DPYSL5: variants seen among roughly 807,000 people sequenced by gnomAD.
The protein encoded by DPYSL5 is dihydropyrimidinase like 5.
In DPYSL5, 9 loss-of-function variants were observed where a neutral mutation model predicts 58.4. The ratio of observed to expected loss-of-function variants is 0.15; its 90% CI spans 0.09 to 0.27. The LOEUF is 0.27. DPYSL5 is among the 10% of genes least tolerant of loss of function. DPYSL5 has a pLI of 1.00. For synonymous variants in DPYSL5, 293 were observed against 301.9 expected, an observed-to-expected ratio of 0.97 and a Z score of 0.31; for missense variants, 499 against 770.6, an observed-to-expected ratio of 0.65 and a Z score of 4.17.
intron 2 of DPYSL5, among the ~76,000 whole-genome samples, chr2:26,904,225 C>T (rs1244556840): frequency 1.3e-5 from 2 of 152,156 alleles, no homozygotes; most frequent in African/African-American, 2.4e-5. Context: ...AGGTATGTGC[C>T]GCTAGGACAT....
Position 26,866,018 on chromosome 2 carries a change from A to T in DPYSL5, c.-5+17764A>T, listed in dbSNP as rs542849117. On this transcript the variant is annotated intron_variant, in intron 1 of 12. Coordinates refer to ENST00000288699, the MANE Select transcript of DPYSL5 (RefSeq NM_020134.4). Reference sequence around the variant, plus strand: ...TGGGTGTTTGTCTGCATGGTGAGTGAAGTGACATATGAGTTGGCCAGATGA... The same window carrying T: ...TGGGTGTTTGTCTGCATGGTGAGTGTAGTGACATATGAGTTGGCCAGATGA... Among the ~76,000 whole-genome samples, 40 of 152,320 alleles carry T rather than the reference A, an allele frequency of 2.6e-4. 1 individual carries two copies. In the South Asian group the frequency reaches 3.9e-3, roughly 15 times the overall value.
chr2:26,858,731 A>G (rs1284497677), intron 1 of DPYSL5, among the ~76,000 whole-genome samples: 1 of 130,176 alleles, frequency 7.7e-6, no homozygotes, highest in Non-Finnish European at 1.6e-5. Context: ...CACCACACCC[A>G]GCTATTTTTT....
intron 1 of DPYSL5, among the ~76,000 whole-genome samples, chr2:26,872,994 C>T (rs1279840287): frequency 4.6e-5 from 7 of 152,136 alleles, no homozygotes; most frequent in Non-Finnish European, 1.0e-4. Context: ...TTTAATGTTT[C>T]CTGGTGGGTG....
In DPYSL5 at chr2:26,944,643, C is replaced by T. The variant is rs754886159; in HGVS notation, c.1441-13C>T. ...TTGTCCTGTTCTTCTGCTCTTCTTC[C>T]ATCCTTCCCTAGACTTTAAAGGTTA... On this transcript the variant is annotated splice_polypyrimidine_tract_variant and intron_variant, in intron 11 of 12. Coordinates refer to ENST00000288699, the MANE Select transcript of DPYSL5 (RefSeq NM_020134.4). The surrounding 1 kb of genome is among the most constrained non-coding windows in gnomAD (Gnocchi z 4.4). 1.2e-6 allele frequency: 2 copies of T among 1,612,048 alleles called. No homozygotes were observed. The highest frequency in any genetic ancestry group is 1.7e-6 in the Non-Finnish European group (2 of 1,178,800).
rs142636920 is a variant in DPYSL5 at position 26,877,622 on chromosome 2, C to A, written c.-4-20874C>A. On this transcript the variant is annotated intron_variant, in intron 1 of 12. Transcript: ENST00000288699. This position sits in a 1 kb window ranked among gnomAD's most constrained non-coding sequence, Gnocchi z 4.1. ...TTTCCCCCTAAATAAGACACTGTCA[C>A]ACAATATCTTTTAACTCATCTGTAT... Among the ~76,000 whole-genome samples the A allele has an allele frequency of 8.8e-3, 1,334 of 152,292 alleles. 21 individuals are homozygous for A. The highest frequency in any genetic ancestry group is 0.03 in the African/African-American group (1,245 of 41,572).
rs968193482 is a variant in DPYSL5, at chr2:26,933,153, G to A, written c.715-105G>A. ...CACCTTGAGGGTGGGGTTGAGTGAC[G>A]CAGGGGGAGGCGCTGGTGCCAGGGC... is the stretch of plus-strand genomic sequence containing the variant. On this transcript the variant is annotated intron_variant, in intron 6 of 12. Coordinates refer to ENST00000288699, the MANE Select transcript of DPYSL5 (RefSeq NM_020134.4). The surrounding 1 kb of genome is among the most constrained non-coding windows in gnomAD (Gnocchi z 4.2). 4.5e-5 allele frequency: 44 copies of A among 975,256 alleles called. No individual in the cohort carries two copies. In the South Asian group the frequency reaches 5.0e-4, roughly 11 times the overall value. 60.4% of individuals were successfully genotyped at this position (975,256 alleles called of 1,614,324 possible).
rs977135907 is a variant in DPYSL5 at position 26,849,202 on chromosome 2, G to A, written c.-5+948G>A. On this transcript the variant is annotated intron_variant, in intron 1 of 12. Coordinates refer to ENST00000288699, the MANE Select transcript of DPYSL5 (RefSeq NM_020134.4). The surrounding 1 kb of genome is among the most constrained non-coding windows in gnomAD (Gnocchi z 6.2). ...GCTCGGTGCAGGTGGCGCCCGGCGA[G>A]GCTGGTTCTGCTGAAGAATGGGGAG... is the stretch of plus-strand genomic sequence containing the variant. Among the ~76,000 whole-genome samples the A allele has an allele frequency of 6.6e-6, 1 of 151,954 alleles. No individual in the cohort carries two copies. The highest frequency in any genetic ancestry group is 1.5e-5 in the Non-Finnish European group (1 of 67,940).
intron 1 of DPYSL5, among the ~76,000 whole-genome samples, chr2:26,857,776 G>A (rs896899260): frequency 1.3e-5 from 2 of 152,196 alleles, no homozygotes; most frequent in African/African-American, 4.8e-5. Flanking sequence ...TAAAATAGAT[G>A]TGATTTTTAC....
At chr2:26,882,112 A>G (rs1345914852) in intron 1 of DPYSL5, among the ~76,000 whole-genome samples, 2 of 129,064 alleles carry the variant, frequency 1.5e-5, no homozygotes, top group Non-Finnish European at 3.5e-5. Flanking sequence ...AAAAAAAAAA[A>G]GAAAGAAAGG....
Position 26,925,687 on chromosome 2 carries a change from C to T in DPYSL5, c.420+642C>T, listed in dbSNP as rs2148158923. Among the ~76,000 whole-genome samples the T allele has an allele frequency of 6.6e-6, 1 of 152,276 alleles. No homozygotes were observed. The highest frequency in any genetic ancestry group is 2.1e-4 in the South Asian group (1 of 4,818). ...TTCCTGTCCTCCCCCTGCCCAGGCC[C>T]CAGGGTCAGAGTCCAGACTCCTCTC... On this transcript the variant is annotated intron_variant, in intron 3 of 12. Transcript: ENST00000288699. This position sits in a 1 kb window ranked among gnomAD's most constrained non-coding sequence, Gnocchi z 4.5.
At position 26,944,010 on chromosome 2, in the gene DPYSL5, G is replaced by A. The variant is rs375202377; in HGVS notation, c.1441-646G>A. Among the ~76,000 whole-genome samples, 1 of 152,170 alleles carries A rather than the reference G, an allele frequency of 6.6e-6. No individual in the cohort carries two copies. Among genetic ancestry groups the A allele is most frequent in the Non-Finnish European group, 1.5e-5 (1 of 68,032 alleles). On this transcript the variant is annotated intron_variant, in intron 11 of 12. Transcript: ENST00000288699. This position sits in a 1 kb window ranked among gnomAD's most constrained non-coding sequence, Gnocchi z 4.4. The stretch of plus-strand genomic sequence containing the variant: ...AGGGCGCTCTCTAAAATTGACTTCC[G>A]GTTGGGCATGGTGGCTCACGCCTGT...
At chr2:26,858,515 T>A (rs1004638287) in intron 1 of DPYSL5, among the ~76,000 whole-genome samples, 60 of 152,192 alleles carry the variant, frequency 3.9e-4, no homozygotes, top group African/African-American at 1.3e-3. Flanking sequence ...GCTTAAACTC[T>A]GAGTCCCTTA....
In DPYSL5 at chr2:26,944,384, T is replaced by C. The variant is rs1427772930; in HGVS notation, c.1441-272T>C. Among the ~76,000 whole-genome samples the C allele has an allele frequency of 6.6e-6, 1 of 152,066 alleles. No homozygotes were observed. Among genetic ancestry groups the C allele is most frequent in the Non-Finnish European group, 1.5e-5 (1 of 68,010 alleles). Reference sequence around the variant, plus strand: ...TCAGTGTTGAGGGGGAGCCAGTATCTCTCCCATACACATGCATGCACACAC... The same window carrying C: ...TCAGTGTTGAGGGGGAGCCAGTATCCCTCCCATACACATGCATGCACACAC... On this transcript the variant is annotated intron_variant, in intron 11 of 12. Transcript: ENST00000288699. The surrounding 1 kb of genome is among the most constrained non-coding windows in gnomAD (Gnocchi z 4.4).
intron 1 of DPYSL5, among the ~76,000 whole-genome samples, chr2:26,892,794 A>AGAGAGAGAGAGAGAGAGAGAGAG (rs1286252749): frequency 6.3e-5 from 9 of 143,112 alleles, no homozygotes; most frequent in African/African-American, 8.1e-5. Flanking sequence ...AGAGAGAGAG[A>AGAGAGAGAGAGAGAGAGAGAGAG]ATGCATCTCA....
At chr2:26,920,982 C>T (rs964215063) in intron 2 of DPYSL5, among the ~76,000 whole-genome samples, 2 of 152,038 alleles carry the variant, frequency 1.3e-5, no homozygotes, top group African/African-American at 4.8e-5. Context: ...TTCATAAATA[C>T]ATAAGTATTT....
In DPYSL5 at chr2:26,947,065, C is replaced by A; in HGVS notation, c.*70C>A. 7.3e-7 allele frequency: 1 copy of A among 1,376,740 alleles called. No individual in the cohort carries two copies. Among genetic ancestry groups the A allele is most frequent in the Non-Finnish European group, 1.0e-6 (1 of 982,994 alleles). 85.3% of individuals were successfully genotyped at this position (1,376,740 alleles called of 1,614,324 possible). Reference sequence around the variant, plus strand: ...GCCCGCAACTCTCCAGCCGAAGCTGCAGGGGCAGGAGAGGCTGGGCTGGGT... The same window carrying A: ...GCCCGCAACTCTCCAGCCGAAGCTGAAGGGGCAGGAGAGGCTGGGCTGGGT... On this transcript the variant is annotated 3_prime_UTR_variant, in exon 13 of 13. Transcript: ENST00000288699. The surrounding 1 kb of genome is among the most constrained non-coding windows in gnomAD (Gnocchi z 4.2).
At chr2:26,864,332 C>T (rs1193919055) in intron 1 of DPYSL5, among the ~76,000 whole-genome samples, 3 of 152,228 alleles carry the variant, frequency 2.0e-5, no homozygotes, top group African/African-American at 7.2e-5. Context: ...CATGCCACAC[C>T]CCTGGGGCCC....
intron 2 of DPYSL5, among the ~76,000 whole-genome samples, chr2:26,911,381 AT>A (rs1553318673): frequency 1.6e-5 from 1 of 61,812 alleles, no homozygotes; most frequent in Non-Finnish European, 3.8e-5. Context: ...AATCAAAAAC[AT>A]AGAGAAACGA....
intron 2 of DPYSL5, among the ~76,000 whole-genome samples, chr2:26,913,966 A>C (rs1235169384): frequency 6.6e-6 from 1 of 152,000 alleles, no homozygotes; most frequent in Non-Finnish European, 1.5e-5. Flanking sequence ...AAAAAAAAAA[A>C]AAAAGTGTTA....
Sources: allele counts gnomAD v4.1 joint callset (sites outside exome capture counted in the v4.1 genomes callset), GRCh38; gene constraint gnomAD v4.1.1; non-coding constraint Gnocchi (gnomAD v3.1); transcripts MANE v1.5; gene names NCBI Gene and HGNC (gene_info 2026-07-23, HGNC 2026-07-21).